Variants in ZNF385D observed in about 807,000 individuals in gnomAD.
ZNF385D encodes zinc finger protein 659.
In ZNF385D, 15 loss-of-function variants were observed where a neutral mutation model predicts 35.8. The observed-to-expected ratio is 0.42, with a 90% CI of 0.28 to 0.64. The LOEUF (loss-of-function observed/expected upper bound fraction) is 0.64, where lower values mean the gene tolerates loss of function less well. ZNF385D is among the 30% of genes least tolerant of loss of function. The probability of loss-of-function intolerance (pLI) is 0.23; values close to 1 mark genes in which losing one functional copy is unlikely to be tolerated. For missense variants in ZNF385D, 474 were observed against 494.6 expected (o/e 0.96, Z 0.39); for synonymous variants, 212 against 186.8 (o/e 1.13, Z -1.10).
At chr3:21,910,168 T>A (rs764476260) in intron 3 of ZNF385D, among the ~76,000 whole-genome samples, 3 of 151,856 alleles carry the variant, frequency 2.0e-5, no homozygotes, top group Non-Finnish European at 4.4e-5. Context: ...CATGATAGGA[T>A]TGCACCGTCA....
At chr3:21,673,557 C>A (rs1467112789) in intron 1 of ZNF385D, among the ~76,000 whole-genome samples, 3 of 152,152 alleles carry the variant, frequency 2.0e-5, no homozygotes, top group Non-Finnish European at 4.4e-5. Flanking sequence ...GAATGTGTCA[C>A]TGTCAGAAGC....
rs576237841 is a variant in ZNF385D at position 21,438,238 on chromosome 3, T to G, written c.440-1035A>C. 2.2e-4 allele frequency among the ~76,000 whole-genome samples: 34 copies of G among 152,272 alleles called. 2 individuals carry two copies. The South Asian group carries it at 6.6e-3, about 30-fold the overall frequency. ...TCTACCCATATACTACTTTTTTGCC[T>G]CTCAGCTAGTTCTTAACTTCCTCTC... is the stretch of plus-strand genomic sequence containing the variant. On this transcript the variant is annotated intron_variant, in intron 4 of 7. Transcript: ENST00000281523.
intron 3 of ZNF385D, chr3:21,979,674 T>A (rs774058039): frequency 6.6e-6 from 1 of 152,306 alleles, no homozygotes; most frequent in East Asian, 1.9e-4. Context: ...TTTTCAGATA[T>A]TGTATCTCAG....
chr3:22,186,153 G>C (rs772810968), intron 2 of ZNF385D, among the ~76,000 whole-genome samples: 3 of 152,170 alleles, frequency 2.0e-5, no homozygotes, highest in African/African-American at 7.2e-5. Flanking sequence ...ATTGGAGTTA[G>C]AAAGTGAGGT....
At chr3:22,030,289 A>ATATATGTATG (rs1697899512) in intron 3 of ZNF385D, among the ~76,000 whole-genome samples, 2 of 98,254 alleles carry the variant, frequency 2.0e-5, no homozygotes, top group South Asian at 3.1e-4. Context: ...ATATATATAT[A>ATATATGTATG]TATATATATA....
rs531700778 is a variant in ZNF385D, at chr3:21,534,953, T to A, written c.277-23930A>T. Among the ~76,000 whole-genome samples the A allele has an allele frequency of 4.6e-5, 7 of 152,206 alleles. No individual in the cohort carries two copies. The East Asian group carries it at 1.4e-3, about 29-fold the overall frequency. Reference sequence around the variant, plus strand: ...CTTTTCTACATAAGTAAAACTGAGATCACAAGAAATACTATAGTAAGTTTC... The same window carrying A: ...CTTTTCTACATAAGTAAAACTGAGAACACAAGAAATACTATAGTAAGTTTC... On this transcript the variant is annotated intron_variant, in intron 3 of 7. Transcript: ENST00000281523.
chr3:21,805,185 A>G (rs374715938), intron 3 of ZNF385D, among the ~76,000 whole-genome samples: 7 of 152,326 alleles, frequency 4.6e-5, no homozygotes, highest in African/African-American at 1.7e-4. Flanking sequence ...TTAATTTAAG[A>G]GAAGGTTGTC....
At chr3:21,742,519 A>C (rs4858012) in intron 1 of ZNF385D, among the ~76,000 whole-genome samples, 23,143 of 152,272 alleles carry the variant, frequency 0.15, 2,149 homozygotes, top group Admixed American at 0.28. Flanking sequence ...TAAAGCCTGC[A>C]GGATACATTT....
At chr3:22,122,069 C>A (rs552797282) in intron 3 of ZNF385D, among the ~76,000 whole-genome samples, 1 of 152,224 alleles carries the variant, frequency 6.6e-6, no homozygotes, top group Admixed American at 6.5e-5. Flanking sequence ...GCAACATGCA[C>A]AAATATCGTC....
chr3:21,953,972 T>G (rs1488058355), intron 3 of ZNF385D, among the ~76,000 whole-genome samples: 1 of 152,042 alleles, frequency 6.6e-6, no homozygotes, highest in Non-Finnish European at 1.5e-5. Flanking sequence ...TATAAAATCG[T>G]GGATAAATAT....
chr3:21,511,759 T>C (rs1707227016), intron 3 of ZNF385D: 1 of 456,560 alleles, frequency 2.2e-6, no homozygotes, highest in East Asian at 7.0e-5. Context: ...TTGTGCCATC[T>C]GAGATATATA....
At chr3:21,474,835 T>C (rs1317796591) in intron 4 of ZNF385D, among the ~76,000 whole-genome samples, 2 of 152,148 alleles carry the variant, frequency 1.3e-5, no homozygotes, top group African/African-American at 2.4e-5. Context: ...AAATTCCTCA[T>C]ATTAATGATT....
At chr3:21,976,977 G>C (rs1156463958) in intron 3 of ZNF385D, among the ~76,000 whole-genome samples, 2 of 151,782 alleles carry the variant, frequency 1.3e-5, no homozygotes, top group Non-Finnish European at 2.9e-5. Context: ...CACAGAGCAA[G>C]ACTCCATCTC....
intron 3 of ZNF385D, among the ~76,000 whole-genome samples, chr3:21,827,253 A>G (rs1353486367): frequency 1.3e-5 from 2 of 152,202 alleles, no homozygotes; most frequent in Non-Finnish European, 2.9e-5. Context: ...CATTTGAAAT[A>G]AATACTACAG....
intron 2 of ZNF385D, among the ~76,000 whole-genome samples, chr3:22,358,166 A>AT (rs1559539629): frequency 6.6e-6 from 1 of 151,942 alleles, no homozygotes; most frequent in Non-Finnish European, 1.5e-5. Context: ...AGACTTTTGG[A>AT]TGTGACACAA....
intron 3 of ZNF385D, among the ~76,000 whole-genome samples, chr3:21,859,694 T>C (rs1213544763): frequency 6.6e-6 from 1 of 150,770 alleles, no homozygotes; most frequent in South Asian, 2.1e-4. Flanking sequence ...TTTCCTGTAG[T>C]TGTGAGGTGC....
chr3:21,989,745 C>T (rs1223788581), intron 3 of ZNF385D, among the ~76,000 whole-genome samples: 2 of 152,112 alleles, frequency 1.3e-5, no homozygotes, highest in African/African-American at 4.8e-5. Flanking sequence ...ATGTTCTCCT[C>T]ATCTAAGCGC....
At chr3:21,862,914 C>G (rs1697136599) in intron 3 of ZNF385D, among the ~76,000 whole-genome samples, 1 of 152,132 alleles carries the variant, frequency 6.6e-6, no homozygotes, top group African/African-American at 2.4e-5. Flanking sequence ...TTAATAAAGG[C>G]AGACTAATGT....
chr3:21,731,521 A>C, intron 1 of ZNF385D, among the ~76,000 whole-genome samples: 1 of 152,160 alleles, frequency 6.6e-6, no homozygotes, highest in South Asian at 2.1e-4. Context: ...CCCAGAGTTT[A>C]TGGAGTACGT....
Sources: allele counts gnomAD v4.1 joint callset (sites outside exome capture counted in the v4.1 genomes callset), GRCh38; gene constraint gnomAD v4.1.1; transcripts MANE v1.5; gene names NCBI Gene and HGNC (gene_info 2026-07-23, HGNC 2026-07-21).